NT5C2: variants seen among roughly 807,000 people sequenced by gnomAD.
NT5C2 encodes the protein cytosolic purine 5'-nucleotidase.
Under a neutral mutation model 76.1 loss-of-function variants are expected in NT5C2, and 58 were observed. The observed-to-expected ratio is 0.76, with a 90% confidence interval of 0.62 to 0.95. The LOEUF (loss-of-function observed/expected upper bound fraction) is 0.95, where lower values mean the gene tolerates loss of function less well. Among genes scored for constraint, NT5C2 ranks in the 40% least tolerant of loss-of-function variants. The pLI is 0.00. For missense variants in NT5C2, 478 were observed against 690.3 expected, an observed-to-expected ratio of 0.69 and a Z score of 3.45; for synonymous variants, 229 against 237.4, an observed-to-expected ratio of 0.96 and a Z score of 0.32.
At chr10:103,153,494 T>C (rs768356334) in intron 3 of NT5C2, 28 of 985,204 alleles carry the variant, frequency 2.8e-5, no homozygotes, top group African/African-American at 1.6e-4. Context: ...CTTTAAATAC[T>C]TGAAAACTTA....
rs139949315 is a variant in NT5C2 at position 103,106,681 on chromosome 10, G to A, written c.201C>T (p.Ser67=). 111 of 1,612,352 alleles carry A rather than the reference G, an allele frequency of 6.9e-5. 1 individual carries two copies. Among genetic ancestry groups the A allele is most frequent in the Middle Eastern group, 4.9e-4 (3 of 6,080 alleles). ...TCTCCACAGTAAGCTCAAAACCAAG[G>A]GACTCATACTCTGGGGACTTGTACA... ...LAVYKSPEYE[S]LGFELTVERL... Residue 67 remains serine, a synonymous_variant, in exon 5 of 19, where the codon TCC becomes TCT. Transcript: ENST00000404739.
At chr10:103,138,514 G>A (rs1175188738) in intron 4 of NT5C2, among the ~76,000 whole-genome samples, 11 of 152,076 alleles carry the variant, frequency 7.2e-5, no homozygotes, top group Admixed American at 7.2e-4. Flanking sequence ...TCCCACTTAT[G>A]AGTGAGAACA....
chr10:103,161,704 A>G (rs2084934332), intron 3 of NT5C2, among the ~76,000 whole-genome samples: 1 of 152,064 alleles, frequency 6.6e-6, no homozygotes, highest in Non-Finnish European at 1.5e-5. Context: ...AGCCTGGATG[A>G]CAGAGTAAGA....
intron 3 of NT5C2, among the ~76,000 whole-genome samples, chr10:103,174,386 C>A (rs975218660): frequency 3.3e-5 from 5 of 152,194 alleles, no homozygotes; most frequent in African/African-American, 1.2e-4. Flanking sequence ...GCCTAGGCAA[C>A]AGAGTGAGAC....
chr10:103,094,278 G>A (rs1295917314), intron 13 of NT5C2, 70 bp downstream of exon 13: 2 of 1,040,740 alleles, frequency 1.9e-6, no homozygotes, highest in Non-Finnish European at 3.0e-6. Flanking sequence ...TCCTTATGTA[G>A]AGTAAGAGTG....
At chr10:103,185,701 T>C (rs983072907) in intron 1 of NT5C2, among the ~76,000 whole-genome samples, 12 of 151,808 alleles carry the variant, frequency 7.9e-5, no homozygotes, top group Non-Finnish European at 1.5e-4. Context: ...ACTGCTTTAT[T>C]TCAGGAAAGA....
chr10:103,166,205 A>G (rs1230340946), intron 3 of NT5C2, among the ~76,000 whole-genome samples: 1 of 151,956 alleles, frequency 6.6e-6, no homozygotes, highest in Non-Finnish European at 1.5e-5. Flanking sequence ...GTAGATTAAT[A>G]TATTTACCAC....
At chr10:103,104,517 T>A (rs1050725738) in intron 6 of NT5C2, among the ~76,000 whole-genome samples, 5 of 152,246 alleles carry the variant, frequency 3.3e-5, no homozygotes, top group African/African-American at 1.2e-4. Context: ...CTTCATATTC[T>A]AAATCCTGTT....
chr10:103,126,939 G>GTAGCTGGAAC (rs1403689613), intron 4 of NT5C2, among the ~76,000 whole-genome samples: 2 of 152,134 alleles, frequency 1.3e-5, no homozygotes, highest in Admixed American at 1.3e-4. Context: ...AGTCTCCCAA[G>GTAGCTGGAAC]TAGCTGGAAC....
At chr10:103,140,948 A>C (rs988990659) in intron 3 of NT5C2, among the ~76,000 whole-genome samples, 1 of 152,148 alleles carries the variant, frequency 6.6e-6, no homozygotes, top group Non-Finnish European at 1.5e-5. Flanking sequence ...CATGGTTCGC[A>C]AACAGTTTCT....
At chr10:103,175,279 C>G (rs1157250417) in intron 2 of NT5C2, among the ~76,000 whole-genome samples, 1 of 152,128 alleles carries the variant, frequency 6.6e-6, no homozygotes, top group Admixed American at 6.5e-5. Flanking sequence ...GGCACTAAAA[C>G]CACAGCACAG....
At chr10:103,127,991 T>C (rs1245763112) in intron 4 of NT5C2, among the ~76,000 whole-genome samples, 2 of 151,774 alleles carry the variant, frequency 1.3e-5, no homozygotes, top group Non-Finnish European at 1.5e-5. Flanking sequence ...ACTGTACCCA[T>C]ACCCACCCCC....
At chr10:103,152,680 A>C (rs2082609657) in intron 3 of NT5C2, among the ~76,000 whole-genome samples, 1 of 152,222 alleles carries the variant, frequency 6.6e-6, no homozygotes, top group Non-Finnish European at 1.5e-5. Context: ...AAATGAAATA[A>C]CCAACAGTAT....
intron 3 of NT5C2, among the ~76,000 whole-genome samples, chr10:103,165,952 G>A (rs971131846): frequency 3.3e-5 from 5 of 152,354 alleles, no homozygotes; most frequent in South Asian, 2.1e-4. Flanking sequence ...TTACAGGCGT[G>A]AGCCACCGTG....
At chr10:103,094,920 T>G (rs1228385849) in intron 12 of NT5C2, among the ~76,000 whole-genome samples, 1 of 151,706 alleles carries the variant, frequency 6.6e-6, no homozygotes, top group Non-Finnish European at 1.5e-5. Flanking sequence ...TTATAAGCCA[T>G]ATCCTTTGGG....
At chr10:103,153,361 G>A (rs2082730128) in intron 3 of NT5C2, 1 of 1,263,124 alleles carries the variant, frequency 7.9e-7, no homozygotes, top group Non-Finnish European at 1.0e-6. Context: ...AAGCTTCACT[G>A]ATCTCTTGAG....
At chr10:103,185,432 G>A (rs2091887848) in intron 1 of NT5C2, among the ~76,000 whole-genome samples, 1 of 151,758 alleles carries the variant, frequency 6.6e-6, no homozygotes, top group Non-Finnish European at 1.5e-5. Flanking sequence ...GATCCCTTGA[G>A]CCTAGGAGTT....
At chr10:103,153,636 AAC>A in intron 3 of NT5C2, 1 of 985,456 alleles carries the variant, frequency 1.0e-6, no homozygotes. Flanking sequence ...GTTACTGGCA[AAC>A]ACAGAAAAAG....
intron 16 of NT5C2, 58 bp downstream of exon 16, chr10:103,091,506 C>T: frequency 1.5e-6 from 2 of 1,323,098 alleles, no homozygotes; most frequent in Non-Finnish European, 2.2e-6. Flanking sequence ...AAGAACATTT[C>T]TTATATCTAA....
Sources: gnomAD v4.1 joint callset for allele counts (sites outside exome capture counted in the v4.1 genomes callset) on GRCh38, gnomAD v4.1.1 for gene constraint, MANE v1.5 for transcripts, NCBI Gene and HGNC (gene_info 2026-07-23, HGNC 2026-07-21) for gene names.